The following SRRM3 variants were observed in gnomAD, a reference collection of about 807,000 sequenced individuals.
The protein encoded by SRRM3 is serine/arginine repetitive matrix protein 3.
A neutral mutation model predicts 66.2 loss-of-function variants in SRRM3; 27 were observed. The ratio of observed to expected loss-of-function variants is 0.41; its 90% confidence interval spans 0.30 to 0.56. The LOEUF (loss-of-function observed/expected upper bound fraction) is 0.56, where lower values mean the gene tolerates loss of function less well. Among genes scored for constraint, SRRM3 ranks in the 20% least tolerant of loss-of-function variants. SRRM3 has a pLI of 0.32. For missense variants in SRRM3, 918 were observed against 991.9 expected (o/e 0.93, Z 1.00); for synonymous variants, 391 against 414.9 (o/e 0.94, Z 0.70).
intron 1 of SRRM3, among the ~76,000 whole-genome samples, chr7:76,229,537 T>C (rs1800960541): frequency 6.6e-6 from 1 of 152,050 alleles, no homozygotes; most frequent in Admixed American, 6.6e-5. Flanking sequence ...CCTATTTTTG[T>C]TGATATATCC....
At chr7:76,256,422 G>A (rs1246941543) in intron 3 of SRRM3, among the ~76,000 whole-genome samples, 4 of 151,746 alleles carry the variant, frequency 2.6e-5, no homozygotes, top group Admixed American at 2.0e-4. Context: ...CAGGAGAATC[G>A]CTTGAACCCT....
chr7:76,284,565 A>T (rs1180513086), intron 14 of SRRM3, among the ~76,000 whole-genome samples: 2 of 152,038 alleles, frequency 1.3e-5, no homozygotes, highest in Non-Finnish European at 2.9e-5. Context: ...GAACCCAGGG[A>T]TCTTCCTGCG....
At chr7:76,255,144 C>CTTT (rs1309988503) in intron 3 of SRRM3, among the ~76,000 whole-genome samples, 7 of 70,312 alleles carry the variant, frequency 1.0e-4, no homozygotes, top group South Asian at 4.9e-4. Flanking sequence ...TTCTTTCTTT[C>CTTT]TTTCTTTTTT....
At chr7:76,277,716 C>CAA (rs386353056) in intron 11 of SRRM3, among the ~76,000 whole-genome samples, 4,969 of 102,600 alleles carry the variant, frequency 0.048, 230 homozygotes, top group African/African-American at 0.14. Context: ...TAAACAACAA[C>CAA]AAAAAAAAAA....
chr7:76,263,281 G>A (rs1359911772), intron 8 of SRRM3, among the ~76,000 whole-genome samples: 5 of 152,174 alleles, frequency 3.3e-5, no homozygotes, highest in Admixed American at 1.3e-4. Context: ...GGCCTTCCCC[G>A]CAGTCACTCT....
In SRRM3 at chr7:76,285,957, T is replaced by C; in HGVS notation, c.*114T>C. The C allele has an allele frequency of 8.4e-7, 1 of 1,193,110 alleles. No homozygotes were observed. Among genetic ancestry groups the C allele is most frequent in the Non-Finnish European group, 1.2e-6 (1 of 861,716 alleles). 73.9% of individuals were successfully genotyped at this position (1,193,110 alleles called of 1,614,324 possible). ...CCTTGCCCCCAAGGCTACAAAGAGG[T>C]CTCAGGGCCAGTGCACGGGCAGATG... On this transcript the variant is annotated 3_prime_UTR_variant, in exon 15 of 15. Transcript: ENST00000611745. The surrounding 1 kb of genome is among the most constrained non-coding windows in gnomAD (Gnocchi z 4.1).
Position 76,235,238 on chromosome 7 carries a change from G to T in SRRM3, c.172G>T (p.Glu58Ter). The T allele has an allele frequency of 6.4e-7, 1 of 1,555,176 alleles. No homozygotes were observed. The highest frequency in any genetic ancestry group is 8.6e-7 in the Non-Finnish European group (1 of 1,159,176). Residue 58 changes from glutamate (E) to a stop codon, truncating the protein, a stop_gained, in exon 2 of 15, where the codon GAG becomes TAG. Coordinates refer to ENST00000611745, the MANE Select transcript of SRRM3 (RefSeq NM_001110199.3). LOFTEE classifies it high-confidence loss of function. ...KRAHREILDH[E>*]RKRRVELKCM... ...CGCGCACCGCGAGATCCTGGACCACGAGCGCAAGCGGCGGGTGGAGCTCAA... is the reference window on the plus strand; with the variant it reads ...CGCGCACCGCGAGATCCTGGACCACTAGCGCAAGCGGCGGGTGGAGCTCAA...
At chr7:76,237,287 G>A (rs1439644702) in intron 2 of SRRM3, among the ~76,000 whole-genome samples, 10 of 152,158 alleles carry the variant, frequency 6.6e-5, no homozygotes, top group Admixed American at 5.9e-4. Flanking sequence ...TGCACCTCTA[G>A]TCCCAGCTGC....
At chr7:76,260,990 G>A in intron 6 of SRRM3, 87 bp downstream of exon 6, 1 of 1,431,962 alleles carries the variant, frequency 7.0e-7, no homozygotes, top group East Asian at 2.5e-5. Flanking sequence ...GAGGCCGGAG[G>A]CCTGGACCCT....
intron 1 of SRRM3, among the ~76,000 whole-genome samples, chr7:76,213,984 G>A (rs1289611767): frequency 6.6e-6 from 1 of 151,936 alleles, no homozygotes; most frequent in Non-Finnish European, 1.5e-5. Flanking sequence ...TCACCATGTA[G>A]CCCAGGCTGG....
intron 2 of SRRM3, among the ~76,000 whole-genome samples, chr7:76,236,496 G>A (rs1307525794): frequency 6.6e-6 from 1 of 152,100 alleles, no homozygotes; most frequent in Admixed American, 6.5e-5. Context: ...CACAGCCTGT[G>A]TCCTTCAGTC....
intron 11 of SRRM3, among the ~76,000 whole-genome samples, chr7:76,280,116 T>TAA (rs567656342): frequency 1.2e-4 from 14 of 118,414 alleles, no homozygotes; most frequent in African/African-American, 4.1e-4. Context: ...AATCAGAACT[T>TAA]AAAAAAAAAA....
intron 11 of SRRM3, among the ~76,000 whole-genome samples, chr7:76,280,277 T>A (rs1208961141): frequency 6.6e-6 from 1 of 152,182 alleles, no homozygotes; most frequent in African/African-American, 2.4e-5. Flanking sequence ...TGATTTTTGG[T>A]ATCTAATGAC....
intron 10 of SRRM3, 99 bp from the exon 11 acceptor site, chr7:76,267,159 C>T (rs1378074695): frequency 8.4e-7 from 1 of 1,183,648 alleles, no homozygotes; most frequent in East Asian, 3.2e-5. Flanking sequence ...GGGCTGCTCT[C>T]TTTCCCCGTG....
At chr7:76,242,054 G>A (rs1554605690) in intron 2 of SRRM3, among the ~76,000 whole-genome samples, 1 of 152,210 alleles carries the variant, frequency 6.6e-6, no homozygotes, top group African/African-American at 2.4e-5. Flanking sequence ...AGGGGAGCCA[G>A]CATGTCTCAC....
At chr7:76,235,406 A>C in intron 2 of SRRM3, 107 bp downstream of exon 2, 1 of 905,092 alleles carries the variant, frequency 1.1e-6, no homozygotes, top group Admixed American at 3.0e-5. Context: ...GGCGGGGAGA[A>C]GGGCGGGGCT....
rs556692400 is a variant in SRRM3, at chr7:76,277,003, G to C, written c.1009-4438G>C. Among the ~76,000 whole-genome samples, 18 of 152,302 alleles carry C rather than the reference G, an allele frequency of 1.2e-4. No homozygotes were observed. In the South Asian group the frequency reaches 1.4e-3, roughly 12 times the overall value. ...GGAAACTGAGGCTCCCCACCGTCAG[G>C]TGACTGCCTTAAGGCGTCACAACAA... On this transcript the variant is annotated intron_variant, in intron 11 of 14. Coordinates refer to ENST00000611745, the MANE Select transcript of SRRM3 (RefSeq NM_001110199.3).
At position 76,260,354 on chromosome 7, in the gene SRRM3, T is replaced by A. The variant is rs1398509384; in HGVS notation, c.545+157T>A. Among the ~76,000 whole-genome samples the A allele has an allele frequency of 4.8e-5, 3 of 62,858 alleles. No homozygotes were observed. In the Admixed American group the frequency reaches 7.2e-4, roughly 15 times the overall value. The allele number at this position is 62,858 out of a possible 152,430, so 41.2% of individuals were successfully genotyped here. On this transcript the variant is annotated intron_variant, in intron 5 of 14. Coordinates refer to ENST00000611745, the MANE Select transcript of SRRM3 (RefSeq NM_001110199.3). The stretch of plus-strand genomic sequence containing the variant: ...CGTGCCGTCCCCCGACTAGGTGCCC[T>A]CCGGGTAACTGAACCCACCCCAGGC...
intron 1 of SRRM3, among the ~76,000 whole-genome samples, chr7:76,211,826 T>TATC (rs1312716568): frequency 1.1e-4 from 14 of 132,498 alleles, no homozygotes; most frequent in African/African-American, 4.6e-4. Context: ...CTATTATTAT[T>TATC]ATTATTATTA....
Sources: allele counts gnomAD v4.1 joint callset (sites outside exome capture counted in the v4.1 genomes callset), GRCh38; gene constraint gnomAD v4.1.1; non-coding constraint Gnocchi (gnomAD v3.1); transcripts MANE v1.5; gene names NCBI Gene and HGNC (gene_info 2026-07-23, HGNC 2026-07-21).